Variants in GALK2 observed in about 807,000 individuals in gnomAD.
GALK2 encodes N-acetylgalactosamine kinase.
Under a neutral mutation model 52.4 loss-of-function variants are expected in GALK2, and 36 were observed. That is an observed-to-expected ratio of 0.69 (90% CI 0.53 to 0.91). The LOEUF (loss-of-function observed/expected upper bound fraction) is 0.91. Among genes scored for constraint, GALK2 ranks in the 40% least tolerant of loss-of-function variants. GALK2 has a pLI of 0.00. For synonymous variants in GALK2, 176 were observed against 199.1 expected (o/e 0.88, Z 0.98); for missense variants, 579 against 559.1 (o/e 1.04, Z -0.36).
chr15:49,170,791 C>T (rs1456074813), intron 1 of GALK2, among the ~76,000 whole-genome samples: 2 of 152,030 alleles, frequency 1.3e-5, no homozygotes, highest in Non-Finnish European at 1.5e-5. Flanking sequence ...TCTGCATCCT[C>T]TTTAAAACAA....
intron 1 of GALK2, among the ~76,000 whole-genome samples, chr15:49,182,730 TCTGA>T (rs1048528494): frequency 7.2e-5 from 11 of 152,380 alleles, no homozygotes; most frequent in South Asian, 2.1e-4. Context: ...TTTGCATTTC[TCTGA>T]CTATCAGTGA....
At chr15:49,262,146 C>T (rs2092141967) in intron 5 of GALK2, among the ~76,000 whole-genome samples, 1 of 151,918 alleles carries the variant, frequency 6.6e-6, no homozygotes, top group Admixed American at 6.5e-5. Flanking sequence ...AGGAATGGTA[C>T]CAGTTCCTCC....
intron 5 of GALK2, among the ~76,000 whole-genome samples, chr15:49,257,969 CATTTT>C (rs2091887190): frequency 6.7e-6 from 1 of 148,908 alleles, no homozygotes; most frequent in East Asian, 1.9e-4. Flanking sequence ...AATAAAATAA[CATTTT>C]ATTTAATTAG....
At chr15:49,263,936 T>A (rs1225360789) in intron 5 of GALK2, among the ~76,000 whole-genome samples, 1 of 152,042 alleles carries the variant, frequency 6.6e-6, no homozygotes, top group Non-Finnish European at 1.5e-5. Context: ...TGCCAAGAGA[T>A]CCACTGTTAG....
chr15:49,238,045 A>G (rs1342727108), intron 4 of GALK2, among the ~76,000 whole-genome samples: 1 of 152,188 alleles, frequency 6.6e-6, no homozygotes, highest in Non-Finnish European at 1.5e-5. Context: ...GACAGACAAA[A>G]AATTAAGGAA....
At chr15:49,163,747 A>G (rs1409205620) in intron 1 of GALK2, among the ~76,000 whole-genome samples, 1 of 152,172 alleles carries the variant, frequency 6.6e-6, no homozygotes, top group Non-Finnish European at 1.5e-5. Context: ...CTCCTTGAGG[A>G]CACAACTGTC....
At chr15:49,212,207 C>G (rs978501698) in intron 2 of GALK2, among the ~76,000 whole-genome samples, 3 of 152,174 alleles carry the variant, frequency 2.0e-5, no homozygotes, top group African/African-American at 7.2e-5. Flanking sequence ...ATTGTCCTGC[C>G]TCAGCCTCCC....
At chr15:49,291,156 AT>A (rs201204888) in intron 7 of GALK2, among the ~76,000 whole-genome samples, 1,769 of 139,492 alleles carry the variant, frequency 0.013, 22 homozygotes, top group South Asian at 0.069. Context: ...AGGTTTCGCC[AT>A]TTTTTTTTTT....
At chr15:49,353,008 G>A (rs139914477) in intron 3 of GALK2, among the ~76,000 whole-genome samples, 18 of 152,204 alleles carry the variant, frequency 1.2e-4, no homozygotes, top group African/African-American at 4.3e-4. Flanking sequence ...CACAGACAAT[G>A]GCAAAAACAG....
At chr15:49,216,541 G>A (rs1050840204) in intron 2 of GALK2, among the ~76,000 whole-genome samples, 2 of 152,204 alleles carry the variant, frequency 1.3e-5, no homozygotes, top group Non-Finnish European at 2.9e-5. Context: ...CACATCACAA[G>A]TCTACTGCCT....
rs183230393 is a variant in GALK2, at chr15:49,242,919, C to T, written c.504+3552C>T. On this transcript the variant is annotated intron_variant, in intron 5 of 9. Transcript: ENST00000560031. ...ACAGGGAAAATAAGAAAAGGAAGCA[C>T]AAGCTTTATCTTTGGTAAGCCAAGG... 2.8e-3 allele frequency among the ~76,000 whole-genome samples: 426 copies of T among 152,262 alleles called. 8 individuals carry two copies. The highest frequency in any genetic ancestry group is 1.6e-3 in the Non-Finnish European group (110 of 68,020).
intron 5 of GALK2, among the ~76,000 whole-genome samples, chr15:49,262,511 AAAAACC>A (rs1424781138): frequency 8.5e-5 from 13 of 152,180 alleles, no homozygotes; most frequent in Admixed American, 1.3e-4. Context: ...ATCCTTTCAA[AAAAACC>A]AGCTCCTGGA....
intron 1 of GALK2, among the ~76,000 whole-genome samples, chr15:49,171,859 C>T (rs540712672): frequency 2.0e-5 from 3 of 152,038 alleles, no homozygotes; most frequent in Non-Finnish European, 1.5e-5. Flanking sequence ...GCAACCTCCA[C>T]CTCCCAGGTT....
intron 2 of GALK2, among the ~76,000 whole-genome samples, chr15:49,204,629 T>G (rs2088109130): frequency 6.6e-6 from 1 of 152,142 alleles, no homozygotes; most frequent in African/African-American, 2.4e-5. Flanking sequence ...CTTTTTCAGG[T>G]AGTCTGTTAT....
intron 2 of GALK2, among the ~76,000 whole-genome samples, chr15:49,203,044 T>G (rs2087922428): frequency 6.6e-6 from 1 of 152,082 alleles, no homozygotes; most frequent in African/African-American, 2.4e-5. Context: ...TTTATTTTAT[T>G]TTATTTTATT....
intron 3 of GALK2, among the ~76,000 whole-genome samples, chr15:49,224,659 G>GTT (rs925243749): frequency 7.9e-5 from 12 of 152,006 alleles, no homozygotes; most frequent in African/African-American, 2.7e-4. Context: ...TTATTTCTGG[G>GTT]TTTTCTATTC....
chr15:49,353,485 C>G (rs1004905769), intron 3 of GALK2: 1 of 151,936 alleles, frequency 6.6e-6, no homozygotes, highest in Admixed American at 6.6e-5. Context: ...ATGTTTTGAA[C>G]AAAAATATAC....
Position 49,292,555 on chromosome 15 carries a change from A to G in GALK2, c.967+18A>G, listed in dbSNP as rs770549775. 6.9e-5 allele frequency: 111 copies of G among 1,597,290 alleles called. No individual in the cohort carries two copies. Among genetic ancestry groups the G allele is most frequent in the Non-Finnish European group, 8.8e-5 (103 of 1,165,482 alleles). On this transcript the variant is annotated intron_variant, in intron 8 of 9. Coordinates refer to ENST00000560031, the MANE Select transcript of GALK2 (RefSeq NM_002044.4). ...TCAAGATGGTGAGTTGGCTGGAGAA[A>G]GTATGATATATGTTATTCCCTCACT...
chr15:49,252,014 C>T (rs1413088008), intron 5 of GALK2, among the ~76,000 whole-genome samples: 1 of 151,948 alleles, frequency 6.6e-6, no homozygotes, highest in Non-Finnish European at 1.5e-5. Flanking sequence ...GCCTGTAATC[C>T]CAGCACTTTG....
Sources: allele counts gnomAD v4.1 joint callset (sites outside exome capture counted in the v4.1 genomes callset), GRCh38; gene constraint gnomAD v4.1.1; transcripts MANE v1.5; gene names NCBI Gene and HGNC (gene_info 2026-07-23, HGNC 2026-07-21).